Variants in NTM observed in about 807,000 individuals in gnomAD.
NTM encodes neurotrimin.
In NTM, 13 loss-of-function variants were observed where a neutral mutation model predicts 42.1. That is an observed-to-expected ratio of 0.31 (90% CI 0.20 to 0.49). NTM has a LOEUF of 0.49. Among genes scored for constraint, NTM ranks in the 20% least tolerant of loss-of-function variants. The pLI is 0.99. For missense variants in NTM, 373 were observed against 452.8 expected, an observed-to-expected ratio of 0.82 and a Z score of 1.60; for synonymous variants, 187 against 179.2, an observed-to-expected ratio of 1.04 and a Z score of -0.35.
chr11:131,920,697 T>G (rs921818523), intron 2 of NTM, among the ~76,000 whole-genome samples: 4 of 152,138 alleles, frequency 2.6e-5, no homozygotes, highest in African/African-American at 9.7e-5. Flanking sequence ...GGGGGTTAGA[T>G]TTGTCTTATA....
chr11:132,139,292 G>A (rs2068612267), intron 2 of NTM, among the ~76,000 whole-genome samples: 1 of 152,182 alleles, frequency 6.6e-6, no homozygotes, highest in Non-Finnish European at 1.5e-5. Flanking sequence ...AGAATTTAGA[G>A]TTCTTGGCTA....
chr11:131,851,159 G>A (rs1023294127), intron 1 of NTM, among the ~76,000 whole-genome samples: 1 of 152,020 alleles, frequency 6.6e-6, no homozygotes, highest in Non-Finnish European at 1.5e-5. Flanking sequence ...TAATTATTGG[G>A]GTCAAATGGA....
intron 4 of NTM, among the ~76,000 whole-genome samples, chr11:132,245,982 C>T (rs934314335): frequency 1.3e-5 from 2 of 152,156 alleles, no homozygotes; most frequent in South Asian, 2.1e-4. Flanking sequence ...CGGGCGGCCA[C>T]GTGCCCCTGT....
At chr11:131,578,190 C>T (rs1335170647) in intron 1 of NTM, among the ~76,000 whole-genome samples, 2 of 152,040 alleles carry the variant, frequency 1.3e-5, no homozygotes, top group Non-Finnish European at 2.9e-5. Flanking sequence ...TGATCGAATC[C>T]AGAAAGATCT....
intron 2 of NTM, among the ~76,000 whole-genome samples, chr11:132,110,898 A>C (rs12575520): frequency 0.4 from 59,761 of 150,436 alleles, 12,521 homozygotes; most frequent in African/African-American, 0.52. Flanking sequence ...AAAATTTTAA[A>C]AAATATTTTT....
intron 1 of NTM, among the ~76,000 whole-genome samples, chr11:131,688,620 G>C (rs2074247031): frequency 6.6e-6 from 1 of 152,206 alleles, no homozygotes. Flanking sequence ...CGCCTGGCCT[G>C]TCGGCTTCAC....
chr11:131,777,319 A>G lies in NTM; in HGVS notation c.83-134245A>G, dbSNP rs530386926. Among the ~76,000 whole-genome samples, 16 of 152,216 alleles carry G rather than the reference A, an allele frequency of 1.1e-4. No individual in the cohort carries two copies. The East Asian group carries it at 2.9e-3, about 28-fold the overall frequency. On this transcript the variant is annotated intron_variant, in intron 1 of 8. Transcript: ENST00000683400. ...CCATACACATACATCTTAAATGAAG[A>G]TCTTTATTGTGGACAATATGATTCC...
chr11:131,370,959 A>G (rs1941083143), intron 1 of NTM, 71 bp downstream of exon 1: 5 of 1,596,056 alleles, frequency 3.1e-6, no homozygotes, highest in Non-Finnish European at 3.4e-6. Flanking sequence ...AGATTTGCAG[A>G]CTCCCCGAGT....
chr11:131,712,137 A>G (rs1469857645), intron 1 of NTM, among the ~76,000 whole-genome samples: 3 of 150,016 alleles, frequency 2.0e-5, no homozygotes, highest in Non-Finnish European at 4.4e-5. Flanking sequence ...TATAATAATA[A>G]TAAAATAAAA....
At chr11:131,598,572 C>T (rs1432466379) in intron 1 of NTM, among the ~76,000 whole-genome samples, 1 of 152,162 alleles carries the variant, frequency 6.6e-6, no homozygotes, top group Admixed American at 6.5e-5. Flanking sequence ...CCATTAGTCA[C>T]TGGGGTCCCA....
chr11:131,795,714 G>C, intron 1 of NTM: 1 of 985,356 alleles, frequency 1.0e-6, no homozygotes, highest in Non-Finnish European at 1.2e-6. Context: ...TTCTGTGCTG[G>C]GCATTGCCTG....
intron 2 of NTM, among the ~76,000 whole-genome samples, chr11:132,098,064 A>G (rs542362218): frequency 6.6e-6 from 1 of 152,382 alleles, no homozygotes; most frequent in African/African-American, 2.4e-5. Flanking sequence ...TGCTAGAAAT[A>G]AATCTGTCAT....
intron 3 of NTM, among the ~76,000 whole-genome samples, chr11:132,200,261 G>A (rs931354588): frequency 1.3e-5 from 2 of 152,172 alleles, no homozygotes; most frequent in African/African-American, 2.4e-5. Context: ...AATGAGATGT[G>A]TCTTCCTCGC....
intron 4 of NTM, among the ~76,000 whole-genome samples, chr11:132,222,155 G>A (rs2085297569): frequency 6.6e-6 from 1 of 152,172 alleles, no homozygotes; most frequent in Non-Finnish European, 1.5e-5. Flanking sequence ...CTGGAGATGA[G>A]CACCTCAGTG....
chr11:131,900,654 GGAGAGAGAGAGA>G (rs1005720874), intron 1 of NTM, among the ~76,000 whole-genome samples: 2 of 151,130 alleles, frequency 1.3e-5, no homozygotes, highest in Non-Finnish European at 2.9e-5. Flanking sequence ...AGAGAAAGAG[GGAGAGAGAGAGA>G]GAAAGAGAGA....
chr11:131,638,480 C>T (rs1380744727), intron 1 of NTM, among the ~76,000 whole-genome samples: 2 of 148,694 alleles, frequency 1.3e-5, no homozygotes, highest in South Asian at 2.1e-4. Flanking sequence ...GCAGCAGAAT[C>T]GCCTGAACCC....
chr11:131,458,687 A>G (rs1951115938), intron 1 of NTM, among the ~76,000 whole-genome samples: 1 of 152,222 alleles, frequency 6.6e-6, no homozygotes, highest in Non-Finnish European at 1.5e-5. Flanking sequence ...CACTACAGAA[A>G]ACATTTGCTG....
chr11:131,778,034 A>G (rs2087364088), intron 1 of NTM, among the ~76,000 whole-genome samples: 1 of 152,200 alleles, frequency 6.6e-6, no homozygotes, highest in South Asian at 2.1e-4. Context: ...AGTGTTTACA[A>G]CTCAAAAACT....
chr11:132,072,153 G>A (rs935678997), intron 2 of NTM, among the ~76,000 whole-genome samples: 1 of 152,158 alleles, frequency 6.6e-6, no homozygotes, highest in African/African-American at 2.4e-5. Context: ...GCCAACCCCA[G>A]CCCTTCCCCT....
Sources: allele counts gnomAD v4.1 joint callset (sites outside exome capture counted in the v4.1 genomes callset), GRCh38; gene constraint gnomAD v4.1.1; transcripts MANE v1.5; gene names NCBI Gene and HGNC (gene_info 2026-07-23, HGNC 2026-07-21).